WDFY4: variants seen among roughly 807,000 people sequenced by gnomAD.
WDFY4 encodes WDFY family member 4, also known as WD repeat- and FYVE domain-containing protein 4.
WDFY4 carries 169 observed loss-of-function variants against 351.9 expected under a neutral mutation model. That is an observed-to-expected ratio of 0.48 (90% CI 0.42 to 0.55). WDFY4 has a LOEUF of 0.55. WDFY4 is among the 20% of genes least tolerant of loss of function. The probability of loss-of-function intolerance (pLI) is 0.00; values close to 1 mark genes in which losing one functional copy is unlikely to be tolerated. For synonymous variants in WDFY4, 1,622 were observed against 1,574.6 expected (o/e 1.03, Z -0.71); for missense variants, 3,803 against 3,935.6 (o/e 0.97, Z 0.90).
At chr10:48,897,866 G>A (rs899190746) in intron 45 of WDFY4, among the ~76,000 whole-genome samples, 3 of 152,354 alleles carry the variant, frequency 2.0e-5, no homozygotes, top group Admixed American at 1.3e-4. Flanking sequence ...ACAGCCCAGA[G>A]CTGCCTTGGA....
chr10:48,759,990 G>A (rs575899771), intron 12 of WDFY4, among the ~76,000 whole-genome samples: 1 of 152,222 alleles, frequency 6.6e-6, no homozygotes, highest in East Asian at 1.9e-4. Flanking sequence ...GTGTGTGTGT[G>A]TGAGTGAGTG....
In WDFY4 at chr10:48,729,497, G is replaced by C; in HGVS notation, c.1037G>C (p.Trp346Ser). The change falls in exon 8 of 62, where the codon TGG (tryptophan) becomes TCG (serine). Residue 346 changes from tryptophan (W) to serine (S), a missense_variant. Physicochemically the swap from Trp to Ser is radical, Grantham distance 177. Around this residue, in one of 3 missense-constraint regions of WDFY4, gnomAD observed 488 missense variants for 456.8 expected, o/e 1.07. Coordinates refer to ENST00000325239, the MANE Select transcript of WDFY4 (RefSeq NM_001394531.1). Reference sequence around the variant, plus strand: ...GAGGAGCTCCTTGGGCTGGTGGTGTGGCTGACAACCTGTGGGAGGTCAGAG... The same window carrying C: ...GAGGAGCTCCTTGGGCTGGTGGTGTCGCTGACAACCTGTGGGAGGTCAGAG... ...HLEELLGLVVWLTTCGRSELK... is the reference protein window; with the variant it reads ...HLEELLGLVVSLTTCGRSELK... 6.4e-7 allele frequency: 1 copy of C among 1,551,726 alleles called. No homozygotes were observed. Among genetic ancestry groups the C allele is most frequent in the Non-Finnish European group, 8.7e-7 (1 of 1,147,002 alleles).
chr10:48,814,810 A>G (rs530719364), intron 31 of WDFY4, among the ~76,000 whole-genome samples: 3 of 152,354 alleles, frequency 2.0e-5, no homozygotes, highest in South Asian at 2.1e-4. Context: ...CACCCACCCA[A>G]AAATGAGCAC....
At chr10:48,776,672 T>TC in intron 15 of WDFY4, 78 bp from the exon 16 acceptor site, 2 of 1,317,942 alleles carry the variant, frequency 1.5e-6, no homozygotes, top group Non-Finnish European at 2.0e-6. Flanking sequence ...CTGCGGCAGA[T>TC]ACTTTGGGGT....
chr10:48,929,546 C>G (rs574133492), intron 47 of WDFY4, among the ~76,000 whole-genome samples: 1 of 152,324 alleles, frequency 6.6e-6, no homozygotes, highest in Admixed American at 6.5e-5. Context: ...CTCCTCTTCT[C>G]TGCCTATACT....
At chr10:48,944,852 T>A (rs1016993652) in intron 49 of WDFY4, among the ~76,000 whole-genome samples, 3 of 152,216 alleles carry the variant, frequency 2.0e-5, no homozygotes, top group Non-Finnish European at 4.4e-5. Context: ...AAAATCTGGA[T>A]TTCCAATATC....
At chr10:48,953,333 T>TCTCTCTCTCTCA (rs771339557) in intron 51 of WDFY4, among the ~76,000 whole-genome samples, 23 of 128,130 alleles carry the variant, frequency 1.8e-4, no homozygotes, top group African/African-American at 6.2e-4. Context: ...TCTCTCTCTC[T>TCTCTCTCTCTCA]CACACACACA....
intron 13 of WDFY4, among the ~76,000 whole-genome samples, chr10:48,772,082 G>A (rs988516019): frequency 6.6e-6 from 1 of 152,204 alleles, no homozygotes; most frequent in Non-Finnish European, 1.5e-5. Context: ...TGGAAAGAAT[G>A]CTGGTGCCTC....
rs144194416 is a variant in WDFY4 at position 48,978,106 on chromosome 10, G to T, written c.9292-203G>T. ...GGGTAAATTCATTCAAGGTGCAACT[G>T]TGATTGGCCAAACCTCTGCATGAGG... On this transcript the variant is annotated intron_variant, in intron 59 of 61. Transcript: ENST00000325239. 5.3e-5 allele frequency among the ~76,000 whole-genome samples: 8 copies of T among 152,318 alleles called. No homozygotes were observed. In the East Asian group the frequency reaches 1.5e-3, roughly 29 times the overall value.
rs539457687 is a variant in WDFY4, at chr10:48,894,885, T to C, written c.7317-2569T>C. Among the ~76,000 whole-genome samples, 3 of 152,236 alleles carry C rather than the reference T, an allele frequency of 2.0e-5. No homozygotes were observed. In the South Asian group the frequency reaches 6.2e-4, roughly 32 times the overall value. The stretch of plus-strand genomic sequence containing the variant: ...GTGGCCTTACTGGGAGTCAGAGATG[T>C]GTAGGAGCAGCTCAGCTGAGATCCA... On this transcript the variant is annotated intron_variant, in intron 44 of 61. Coordinates refer to ENST00000325239, the MANE Select transcript of WDFY4 (RefSeq NM_001394531.1).
At chr10:48,877,283 A>G in intron 43 of WDFY4, 84 bp downstream of exon 43, 3 of 1,274,084 alleles carry the variant, frequency 2.4e-6, no homozygotes, top group Non-Finnish European at 3.2e-6. Flanking sequence ...AGCTTTCGCC[A>G]CTTACATGGG....
At chr10:48,704,724 TGGG>T (rs2063576751) in intron 1 of WDFY4, among the ~76,000 whole-genome samples, 2 of 152,198 alleles carry the variant, frequency 1.3e-5, no homozygotes, top group Admixed American at 6.5e-5. Flanking sequence ...TCCACAGACC[TGGG>T]GGCTTCTGCT....
intron 51 of WDFY4, among the ~76,000 whole-genome samples, chr10:48,953,331 TCTCACA>T (rs924182743): frequency 1.8e-4 from 15 of 81,152 alleles, no homozygotes; most frequent in African/African-American, 5.8e-4. Context: ...TCTCTCTCTC[TCTCACA>T]CACACACACA....
chr10:48,963,699 T>G, intron 53 of WDFY4, 143 bp from the exon 54 acceptor site: 1 of 927,580 alleles, frequency 1.1e-6, no homozygotes, highest in Non-Finnish European at 1.6e-6. Context: ...TGCCTCTTTG[T>G]GCTCATCAAG....
chr10:48,823,902 A>C (rs1334911355), intron 35 of WDFY4: 2 of 985,536 alleles, frequency 2.0e-6, no homozygotes, highest in African/African-American at 3.5e-5. Flanking sequence ...TGAATCCCAA[A>C]CCCCAACAGG....
chr10:48,928,667 A>G (rs920776438), intron 47 of WDFY4, among the ~76,000 whole-genome samples: 4 of 152,112 alleles, frequency 2.6e-5, no homozygotes, highest in African/African-American at 9.7e-5. Context: ...TCTGCACTTC[A>G]CACCCTCTAG....
chr10:48,961,612 G>A (rs1271788327), intron 53 of WDFY4, among the ~76,000 whole-genome samples: 3 of 152,114 alleles, frequency 2.0e-5, no homozygotes, highest in Non-Finnish European at 4.4e-5. Context: ...TGGAATGAAG[G>A]CAAAAATTTT....
At chr10:48,789,246 G>T (rs1369477082) in intron 21 of WDFY4, among the ~76,000 whole-genome samples, 1 of 152,210 alleles carries the variant, frequency 6.6e-6, no homozygotes, top group Non-Finnish European at 1.5e-5. Flanking sequence ...AGATATGTTT[G>T]TAGATGGGGA....
intron 42 of WDFY4, among the ~76,000 whole-genome samples, chr10:48,875,441 G>A (rs2069959533): frequency 6.6e-6 from 1 of 152,158 alleles, no homozygotes; most frequent in African/African-American, 2.4e-5. Context: ...TTGAGACAGG[G>A]TCTTGTGCTG....
Sources: gnomAD v4.1 joint callset for allele counts (sites outside exome capture counted in the v4.1 genomes callset) on GRCh38, gnomAD v4.1.1 for gene constraint, gnomAD v4.1.1 regional missense constraint, MANE v1.5 for transcripts, NCBI Gene and HGNC (gene_info 2026-07-23, HGNC 2026-07-21) for gene names.